PEX7: variants seen among roughly 807,000 people sequenced by gnomAD.
The protein encoded by PEX7 is peroxisomal biogenesis factor 7.
In PEX7, 34 loss-of-function variants were observed where a neutral mutation model predicts 47.5. The ratio of observed to expected loss-of-function variants is 0.72; its 90% CI spans 0.54 to 0.95. The LOEUF is 0.95. Ranked by LOEUF, PEX7 falls within the 40% of genes least tolerant of loss-of-function variation. The probability of loss-of-function intolerance (pLI) is 0.00; values close to 1 mark genes in which losing one functional copy is unlikely to be tolerated. For synonymous variants in PEX7, 141 were observed against 148.8 expected, an observed-to-expected ratio of 0.95 and a Z score of 0.38; for missense variants, 394 against 400.3, an observed-to-expected ratio of 0.98 and a Z score of 0.13.
In PEX7 at chr6:136,822,603, T is replaced by C; in HGVS notation, c.-63T>C. The stretch of plus-strand genomic sequence containing the variant: ...TGCCTGGTCTCTCTAACCGCGCCAG[T>C]GTGCCTCCGACTCGGAACGGCTTCC... On this transcript the variant is annotated 5_prime_UTR_variant, in exon 1 of 10. Transcript: ENST00000318471. 1 of 1,440,632 alleles carries C rather than the reference T, an allele frequency of 6.9e-7. No homozygotes were observed. The highest frequency in any genetic ancestry group is 9.4e-7 in the Non-Finnish European group (1 of 1,065,246). The allele number at this position is 1,440,632 out of a possible 1,614,324, so 89.2% of individuals were successfully genotyped here.
rs117796095 is a variant in PEX7 at position 136,828,399 on chromosome 6, T to C, written c.339+1930T>C. On this transcript the variant is annotated intron_variant, in intron 3 of 9. Coordinates refer to ENST00000318471, the MANE Select transcript of PEX7 (RefSeq NM_000288.4). ...AAGTAAATTTCACTTTCTCTTGAGA[T>C]AACTTATTTGACTTTTAGGTTGTTC... 3.9e-3 allele frequency among the ~76,000 whole-genome samples: 588 copies of C among 152,346 alleles called. 16 individuals carry two copies. In the South Asian group the frequency reaches 0.057, roughly 15 times the overall value.
intron 3 of PEX7, among the ~76,000 whole-genome samples, chr6:136,832,837 G>A (rs1042408837): frequency 3.3e-5 from 5 of 152,122 alleles, no homozygotes; most frequent in African/African-American, 7.2e-5. Flanking sequence ...CAGTAAGTTC[G>A]TCATCTCTAT....
intron 7 of PEX7, chr6:136,870,616 T>C (rs76130483): frequency 0.038 from 7,878 of 209,176 alleles, 181 homozygotes; most frequent in African/African-American, 0.076. Context: ...CCCAATTTCA[T>C]CCTTTTGTTT....
intron 8 of PEX7, among the ~76,000 whole-genome samples, chr6:136,891,569 T>C (rs1193424728): frequency 6.6e-6 from 1 of 152,062 alleles, no homozygotes; most frequent in Non-Finnish European, 1.5e-5. Flanking sequence ...TTTAATCCAG[T>C]CATGCAAATA....
intron 1 of PEX7, among the ~76,000 whole-genome samples, chr6:136,823,979 A>G (rs1774137476): frequency 6.6e-6 from 1 of 152,356 alleles, no homozygotes; most frequent in South Asian, 2.1e-4. Flanking sequence ...TAGCTATTAT[A>G]CGCACTGAAG....
chr6:136,845,862 T>A (rs769266228), intron 4 of PEX7, among the ~76,000 whole-genome samples, 170 bp downstream of exon 4: 72 of 152,226 alleles, frequency 4.7e-4, no homozygotes, highest in Non-Finnish European at 7.4e-4. Context: ...TCTAATCTTT[T>A]GGCTGTGAAC....
At chr6:136,868,460 T>C (rs1234816428) in intron 6 of PEX7, among the ~76,000 whole-genome samples, 1 of 152,056 alleles carries the variant, frequency 6.6e-6, no homozygotes, top group African/African-American at 2.4e-5. Context: ...ATGATATTAC[T>C]CAATCTAAAC....
chr6:136,892,534 C>T (rs1189929496), intron 8 of PEX7, among the ~76,000 whole-genome samples: 3 of 152,192 alleles, frequency 2.0e-5, no homozygotes, highest in African/African-American at 7.2e-5. Context: ...ATATTGTCTT[C>T]ACCTTTGAAA....
intron 8 of PEX7, among the ~76,000 whole-genome samples, chr6:136,893,465 G>A (rs925852142): frequency 1.3e-5 from 2 of 152,124 alleles, no homozygotes; most frequent in Non-Finnish European, 2.9e-5. Flanking sequence ...GTCTTTTGGG[G>A]CACTTGTCAA....
chr6:136,854,467 G>A (rs1221298217), intron 5 of PEX7, among the ~76,000 whole-genome samples: 6 of 152,186 alleles, frequency 3.9e-5, no homozygotes, highest in African/African-American at 1.4e-4. Flanking sequence ...GATTACAGGT[G>A]TGAGCTACTG....
intron 5 of PEX7, among the ~76,000 whole-genome samples, chr6:136,848,895 T>C (rs541039662): frequency 1.4e-4 from 22 of 152,336 alleles, no homozygotes; most frequent in African/African-American, 4.6e-4. Flanking sequence ...TCCGTCTTGT[T>C]CTATTGATTG....
intron 1 of PEX7, among the ~76,000 whole-genome samples, chr6:136,824,705 C>T (rs1268142785): frequency 6.6e-6 from 1 of 152,100 alleles, no homozygotes; most frequent in Non-Finnish European, 1.5e-5. Context: ...ACTTTATTAC[C>T]ACCAGTTATG....
intron 3 of PEX7, among the ~76,000 whole-genome samples, chr6:136,837,369 A>G (rs1414631535): frequency 6.6e-6 from 1 of 151,360 alleles, no homozygotes; most frequent in Non-Finnish European, 1.5e-5. Context: ...CACAAAAAAA[A>G]AAAAAAGAAA....
chr6:136,823,430 A>C (rs1029346682), intron 1 of PEX7: 19 of 877,550 alleles, frequency 2.2e-5, no homozygotes, highest in Non-Finnish European at 2.5e-5. Flanking sequence ...GCATTGGCTC[A>C]GCCTGTGGTT....
intron 9 of PEX7, among the ~76,000 whole-genome samples, chr6:136,905,569 T>A (rs1407959110): frequency 6.6e-6 from 1 of 152,222 alleles, no homozygotes; most frequent in Non-Finnish European, 1.5e-5. Flanking sequence ...CCATATAATT[T>A]TGATATTTGA....
At chr6:136,895,355 T>A (rs1268988080) in intron 8 of PEX7, among the ~76,000 whole-genome samples, 1 of 152,242 alleles carries the variant, frequency 6.6e-6, no homozygotes, top group African/African-American at 2.4e-5. Context: ...TAATTTACTG[T>A]ATTTAACAAT....
intron 5 of PEX7, among the ~76,000 whole-genome samples, chr6:136,854,463 A>C (rs1448205794): frequency 6.6e-6 from 1 of 152,216 alleles, no homozygotes; most frequent in African/African-American, 2.4e-5. Flanking sequence ...TTGGGATTAC[A>C]GGTGTGAGCT....
chr6:136,868,205 ACT>A (rs1722665541), intron 6 of PEX7, among the ~76,000 whole-genome samples: 1 of 152,112 alleles, frequency 6.6e-6, no homozygotes, highest in Admixed American at 6.5e-5. Context: ...GTGTAAGTAC[ACT>A]CTGTGATGTT....
At chr6:136,855,929 G>A (rs978941235) in intron 5 of PEX7, 3 of 215,828 alleles carry the variant, frequency 1.4e-5, no homozygotes, top group South Asian at 5.8e-5. Flanking sequence ...TTTTTTGGAC[G>A]TCAGTCAGAA....
Sources: allele counts gnomAD v4.1 joint callset (sites outside exome capture counted in the v4.1 genomes callset), GRCh38; gene constraint gnomAD v4.1.1; transcripts MANE v1.5; gene names NCBI Gene and HGNC (gene_info 2026-07-23, HGNC 2026-07-21).